Variants in COPA observed in about 807,000 individuals in gnomAD.
COPA encodes the protein coat protein complex I subunit alpha.
A neutral mutation model predicts 158.7 loss-of-function variants in COPA; 10 were observed. That is an observed-to-expected ratio of 0.06 (90% CI 0.04 to 0.11). The LOEUF (loss-of-function observed/expected upper bound fraction) is 0.11. COPA is among the 10% of genes least tolerant of loss of function. The pLI is 1.00. For synonymous variants in COPA, 462 were observed against 542.8 expected (o/e 0.85, Z 2.07); for missense variants, 1,065 against 1,536.7 (o/e 0.69, Z 5.13).
At chr1:160,321,599 C>T (rs1009463118) in intron 8 of COPA, among the ~76,000 whole-genome samples, 3 of 152,020 alleles carry the variant, frequency 2.0e-5, no homozygotes, top group Non-Finnish European at 4.4e-5. Flanking sequence ...ACCAGCTTGG[C>T]CAACATGGTG....
At chr1:160,291,137 C>T (rs1469401517) in intron 31 of COPA, among the ~76,000 whole-genome samples, 198 bp downstream of exon 31, 2 of 152,098 alleles carry the variant, frequency 1.3e-5, no homozygotes, top group South Asian at 2.1e-4. Flanking sequence ...TAGACGAGTG[C>T]CATGTCTCAA....
intron 14 of COPA, among the ~76,000 whole-genome samples, 180 bp downstream of exon 14, chr1:160,306,983 A>G (rs1175133409): frequency 6.6e-6 from 1 of 152,242 alleles, no homozygotes; most frequent in African/African-American, 2.4e-5. Flanking sequence ...CAATCAAATC[A>G]GTTTTAATGC....
intron 6 of COPA, among the ~76,000 whole-genome samples, chr1:160,327,917 T>C (rs1044088870): frequency 6.6e-6 from 1 of 152,198 alleles, no homozygotes; most frequent in Non-Finnish European, 1.5e-5. Flanking sequence ...TGTAGGAAAA[T>C]ATAAGAACTT....
intron 4 of COPA, among the ~76,000 whole-genome samples, chr1:160,334,245 T>C (rs555275834): frequency 6.6e-6 from 1 of 152,330 alleles, no homozygotes; most frequent in South Asian, 2.1e-4. Context: ...TGTTAAACAC[T>C]GAAAATAGAT....
In COPA at chr1:160,335,337, C is replaced by G; in HGVS notation, c.229-15G>C. 6.2e-7 allele frequency: 1 copy of G among 1,602,446 alleles called. No homozygotes were observed. The highest frequency in any genetic ancestry group is 8.5e-7 in the Non-Finnish European group (1 of 1,174,430). ...TAATTCCAAACCTGCAAAGACAAAT[C>G]AAACTAAGAAACAGAAATAGTTATT... On this transcript the variant is annotated splice_polypyrimidine_tract_variant and intron_variant, in intron 3 of 32. Coordinates refer to ENST00000241704, the MANE Select transcript of COPA (RefSeq NM_004371.4).
Position 160,307,173 on chromosome 1 carries a change from C to T in COPA, c.1292G>A (p.Arg431Gln), listed in dbSNP as rs199634303. Reference protein sequence around the residue: ...VARNRFAVLDRMHSLLIKNLK... With the variant: ...VARNRFAVLDQMHSLLIKNLK... The stretch of plus-strand genomic sequence containing the variant: ...TTAGTCTTAACTCACCGAATGCATC[C>T]GATCTAGGACAGCAAACCGATTTCG... Residue 431 changes from arginine to glutamine, a missense_variant, in exon 14 of 33, where the codon CGG becomes CAG. Arg to Gln is a conservative substitution (Grantham distance 43). Around this residue, in one of 2 missense-constraint regions of COPA, gnomAD observed 980 missense variants for 1,357.8 expected, o/e 0.72. Transcript: ENST00000241704. The T allele has an allele frequency of 2.0e-5, 33 of 1,614,134 alleles. No individual in the cohort carries two copies. In the Admixed American group the frequency reaches 3.2e-4, roughly 15 times the overall value.
At chr1:160,307,285 G>A in intron 13 of COPA, 40 bp from the exon 14 acceptor site, 4 of 1,591,448 alleles carry the variant, frequency 2.5e-6, no homozygotes, top group Non-Finnish European at 3.4e-6. Context: ...CATGTGGTGA[G>A]TCACTGGCAG....
intron 8 of COPA, among the ~76,000 whole-genome samples, chr1:160,319,100 C>T (rs561996591): frequency 5.3e-5 from 8 of 152,006 alleles, no homozygotes; most frequent in South Asian, 2.1e-4. Flanking sequence ...AGTGGCTAAA[C>T]GGATAAAGAG....
chr1:160,307,261 C>T lies in COPA; in HGVS notation c.1220-16G>A. 1 of 1,613,744 alleles carries T rather than the reference C, an allele frequency of 6.2e-7. No individual in the cohort carries two copies. The highest frequency in any genetic ancestry group is 8.5e-7 in the Non-Finnish European group (1 of 1,179,646). The stretch of plus-strand genomic sequence containing the variant: ...CCTTCAGGCGCTGAGAAGAACAAAA[C>T]CAAAGGGTGGGAGCATGTGGTGAGT... On this transcript the variant is annotated splice_polypyrimidine_tract_variant and intron_variant, in intron 13 of 32. Coordinates refer to ENST00000241704, the MANE Select transcript of COPA (RefSeq NM_004371.4).
At chr1:160,311,026 G>A (rs1381658876) in intron 11 of COPA, among the ~76,000 whole-genome samples, 1 of 152,096 alleles carries the variant, frequency 6.6e-6, no homozygotes, top group Non-Finnish European at 1.5e-5. Flanking sequence ...CTCAAGAAGG[G>A]AACTATCATT....
In COPA at chr1:160,292,571, A is replaced by G; in HGVS notation, c.2873T>C (p.Leu958Pro). Residue 958 changes from leucine to proline, a missense_variant, in exon 28 of 33, where the codon CTG (leucine) becomes CCG (proline). Leu to Pro is a moderately conservative substitution (Grantham distance 98). Around this residue, in one of 2 missense-constraint regions of COPA, gnomAD observed 980 missense variants for 1,357.8 expected, o/e 0.72. Transcript: ENST00000241704. ...GVIQFGPYKQ[L>P]FLQTYARGRT... ...GCCTCGGGCGTATGTCTGTAGGAAC[A>G]GTTGCTTGTAGGGGCCAAACTGGAT... is the stretch of plus-strand genomic sequence containing the variant. 1.2e-6 allele frequency: 2 copies of G among 1,613,924 alleles called. No individual in the cohort carries two copies. Among genetic ancestry groups the G allele is most frequent in the Middle Eastern group, 1.6e-4 (1 of 6,062 alleles).
intron 7 of COPA, among the ~76,000 whole-genome samples, chr1:160,324,340 G>C (rs770873741): frequency 1.7e-4 from 25 of 145,684 alleles, no homozygotes; most frequent in Non-Finnish European, 3.3e-4. Flanking sequence ...ATCCAGGCTG[G>C]AGTGTAGTGG....
Position 160,288,657 on chromosome 1 carries a change from CTTATT to C in COPA, c.*1495_*1499del, listed in dbSNP as rs1043366882. 9.2e-5 allele frequency among the ~76,000 whole-genome samples: 14 copies of C among 152,070 alleles called. No individual in the cohort carries two copies. Among genetic ancestry groups the C allele is most frequent in the Admixed American group, 2.6e-4 (4 of 15,262 alleles). ...CATGAATTTAACACGCAAAAAAGTACTTATTTTAATCGAAGGCACAGTAATGTCAC... is the reference window on the plus strand; with the variant it reads ...CATGAATTTAACACGCAAAAAAGTACTTAATCGAAGGCACAGTAATGTCAC... On this transcript the variant is annotated 3_prime_UTR_variant, in exon 33 of 33. Transcript: ENST00000241704.
At chr1:160,338,510 C>T (rs1417591175) in intron 3 of COPA, among the ~76,000 whole-genome samples, 13 of 152,084 alleles carry the variant, frequency 8.5e-5, no homozygotes, top group Admixed American at 8.5e-4. Flanking sequence ...TTAATGAAAA[C>T]AACTAAAGGA....
At chr1:160,319,716 C>G (rs1012390561) in intron 8 of COPA, among the ~76,000 whole-genome samples, 1 of 151,288 alleles carries the variant, frequency 6.6e-6, no homozygotes, top group Non-Finnish European at 1.5e-5. Context: ...AAATCAATAA[C>G]AAGAGGAACC....
Position 160,290,031 on chromosome 1 carries a change from G to C in COPA, c.*126C>G. The C allele has an allele frequency of 1.2e-6, 1 of 864,134 alleles. No individual in the cohort carries two copies. Among genetic ancestry groups the C allele is most frequent in the South Asian group, 1.7e-5 (1 of 58,424 alleles). The allele number at this position is 864,134 out of a possible 1,614,324, so 53.5% of individuals were successfully genotyped here. A position where few individuals can be genotyped will look rare whatever the true frequency, so the allele number is the denominator to read the frequency against. ...TTCCATAGAAGAGAAAAAGATACTAGGTTTTAGGGTACAGAGAGCCAGATC... is the reference window on the plus strand; with the variant it reads ...TTCCATAGAAGAGAAAAAGATACTACGTTTTAGGGTACAGAGAGCCAGATC... On this transcript the variant is annotated 3_prime_UTR_variant, in exon 33 of 33. Coordinates refer to ENST00000241704, the MANE Select transcript of COPA (RefSeq NM_004371.4).
rs754350440 is a variant in COPA, at chr1:160,343,220, G to A, written c.-50C>T. On this transcript the variant is annotated 5_prime_UTR_variant, in exon 1 of 33. Transcript: ENST00000241704. ...CTTAATCCGAGCCCCGACACACCCT[G>A]CTGCCCTTCGGACGCCTCCACGTCA... is the stretch of plus-strand genomic sequence containing the variant. 5.0e-6 allele frequency: 8 copies of A among 1,612,370 alleles called. No homozygotes were observed. Among genetic ancestry groups the A allele is most frequent in the Non-Finnish European group, 6.8e-6 (8 of 1,178,554 alleles).
chr1:160,290,285 C>G (rs1271096257), intron 32 of COPA, 69 bp from the exon 33 acceptor site: 1 of 1,564,064 alleles, frequency 6.4e-7, no homozygotes, highest in African/African-American at 1.4e-5. Context: ...AATGTATTCC[C>G]TATACCCCTC....
At chr1:160,325,025 A>T (rs1367457442) in intron 7 of COPA, among the ~76,000 whole-genome samples, 2 of 151,948 alleles carry the variant, frequency 1.3e-5, no homozygotes, top group Non-Finnish European at 2.9e-5. Context: ...TATTTACTAG[A>T]TATATGTAGA....
Sources: gnomAD v4.1 joint callset for allele counts (sites outside exome capture counted in the v4.1 genomes callset) on GRCh38, gnomAD v4.1.1 for gene constraint, gnomAD v4.1.1 regional missense constraint, MANE v1.5 for transcripts, NCBI Gene and HGNC (gene_info 2026-07-23, HGNC 2026-07-21) for gene names.